GSK3B: variants seen among roughly 807,000 people sequenced by gnomAD.
The protein encoded by GSK3B is glycogen synthase kinase-3 beta.
In GSK3B, 15 loss-of-function variants were observed where a neutral mutation model predicts 56.4. The ratio of observed to expected loss-of-function variants is 0.27; its 90% CI spans 0.18 to 0.41. The LOEUF (loss-of-function observed/expected upper bound fraction) is 0.41, where lower values mean the gene tolerates loss of function less well. GSK3B is among the 10% of genes least tolerant of loss of function. The pLI, the probability that GSK3B is intolerant of heterozygous loss-of-function variation, is 1.00. For synonymous variants in GSK3B, 181 were observed against 188.9 expected (o/e 0.96, Z 0.34); for missense variants, 300 against 513.4 (o/e 0.58, Z 4.02).
chr3:119,849,343 A>G (rs183786074), intron 9 of GSK3B, among the ~76,000 whole-genome samples: 1 of 152,342 alleles, frequency 6.6e-6, no homozygotes, highest in Non-Finnish European at 1.5e-5. Flanking sequence ...CTGAAAAAAC[A>G]ATCTGGCAAG....
chr3:119,932,603 T>C (rs933957857), intron 3 of GSK3B, among the ~76,000 whole-genome samples: 1 of 143,920 alleles, frequency 6.9e-6, no homozygotes, highest in Non-Finnish European at 1.5e-5. Flanking sequence ...TGGAGAAAAA[T>C]AATGCCAATT....
chr3:120,090,297 G>A (rs371472707), intron 1 of GSK3B, among the ~76,000 whole-genome samples: 4 of 151,732 alleles, frequency 2.6e-5, no homozygotes, highest in East Asian at 1.9e-4. Context: ...TACTGCTCCC[G>A]AATATAAATC....
At chr3:120,080,805 G>T (rs2058412649) in intron 1 of GSK3B, among the ~76,000 whole-genome samples, 1 of 151,564 alleles carries the variant, frequency 6.6e-6, no homozygotes, top group South Asian at 2.1e-4. Flanking sequence ...ACTCCATCCT[G>T]GGCAATACAG....
chr3:120,063,448 C>A (rs537143511), intron 1 of GSK3B, among the ~76,000 whole-genome samples: 9 of 152,118 alleles, frequency 5.9e-5, no homozygotes, highest in Non-Finnish European at 1.2e-4. Flanking sequence ...CAGTGCTGGC[C>A]GGGTGCAGTG....
At chr3:119,955,807 C>A (rs534862232) in intron 2 of GSK3B, among the ~76,000 whole-genome samples, 1 of 152,192 alleles carries the variant, frequency 6.6e-6, no homozygotes, top group South Asian at 2.1e-4. Context: ...GCGCCTGCCA[C>A]CACGCCTGCC....
At chr3:120,006,091 G>C (rs1041617070) in intron 1 of GSK3B, among the ~76,000 whole-genome samples, 1 of 151,854 alleles carries the variant, frequency 6.6e-6, no homozygotes, top group Non-Finnish European at 1.5e-5. Context: ...GATCTACCAA[G>C]CAAATGGAAA....
chr3:119,983,547 G>T (rs1412037308), intron 2 of GSK3B, among the ~76,000 whole-genome samples: 3 of 151,398 alleles, frequency 2.0e-5, no homozygotes, highest in Non-Finnish European at 2.9e-5. Context: ...AAAAAAAGCA[G>T]GGGTTGCAAT....
At chr3:119,896,569 T>C (rs891826614) in intron 7 of GSK3B, among the ~76,000 whole-genome samples, 1 of 152,172 alleles carries the variant, frequency 6.6e-6, no homozygotes, top group Non-Finnish European at 1.5e-5. Flanking sequence ...CAATAAAATA[T>C]TGCTTTATAA....
At chr3:119,849,164 T>G (rs776246785) in intron 9 of GSK3B, among the ~76,000 whole-genome samples, 1 of 152,202 alleles carries the variant, frequency 6.6e-6, no homozygotes, top group African/African-American at 2.4e-5. Flanking sequence ...GATTTACCAT[T>G]CTCAATTAAA....
intron 10 of GSK3B, among the ~76,000 whole-genome samples, chr3:119,829,346 G>C (rs1236001625): frequency 6.6e-6 from 1 of 152,090 alleles, no homozygotes. Flanking sequence ...CAGAACCTAT[G>C]CATGACCATC....
At chr3:120,068,719 AAATAAT>A (rs542533714) in intron 1 of GSK3B, among the ~76,000 whole-genome samples, 101 of 151,550 alleles carry the variant, frequency 6.7e-4, no homozygotes, top group Non-Finnish European at 1.3e-3. Flanking sequence ...ATAAATAAAT[AAATAAT>A]AATAATAATA....
At chr3:119,976,037 G>A (rs1419845103) in intron 2 of GSK3B, among the ~76,000 whole-genome samples, 1 of 152,136 alleles carries the variant, frequency 6.6e-6, no homozygotes, top group Non-Finnish European at 1.5e-5. Flanking sequence ...CACCCACGAG[G>A]ATGGGTATAA....
At chr3:120,067,993 G>A (rs1344226122) in intron 1 of GSK3B, among the ~76,000 whole-genome samples, 1 of 152,124 alleles carries the variant, frequency 6.6e-6, no homozygotes, top group African/African-American at 2.4e-5. Flanking sequence ...TTTTTAAAAG[G>A]CGGAATCATG....
At chr3:119,924,889 T>C (rs1434688171) in intron 3 of GSK3B, among the ~76,000 whole-genome samples, 2 of 152,114 alleles carry the variant, frequency 1.3e-5, no homozygotes, top group African/African-American at 2.4e-5. Flanking sequence ...AAGCCAAAAA[T>C]ATCTAAGAAA....
chr3:119,914,820 A>C (rs1278704113), intron 5 of GSK3B, among the ~76,000 whole-genome samples: 1 of 152,134 alleles, frequency 6.6e-6, no homozygotes, highest in Non-Finnish European at 1.5e-5. Flanking sequence ...CCTATGTTAA[A>C]CCCCAAATTT....
chr3:119,958,381 A>AGGGG (rs1444170844), intron 2 of GSK3B, among the ~76,000 whole-genome samples: 1 of 1,880 alleles, frequency 5.3e-4, no homozygotes, highest in African/African-American at 1.9e-3. Flanking sequence ...TTATCGAAAA[A>AGGGG]GGGGTGGGTG....
chr3:119,854,088 G>A (rs1398290724), intron 9 of GSK3B, among the ~76,000 whole-genome samples: 5 of 152,112 alleles, frequency 3.3e-5, no homozygotes, highest in Admixed American at 6.6e-5. Context: ...TTTCAGATAC[G>A]TCCCATCAAT....
intron 6 of GSK3B, among the ~76,000 whole-genome samples, chr3:119,910,400 A>G (rs2056723768): frequency 1.3e-5 from 2 of 152,216 alleles, no homozygotes; most frequent in African/African-American, 4.8e-5. Context: ...TTCACTCTAT[A>G]CTGTAGTCTA....
At chr3:120,005,091 T>A (rs1311406541) in intron 1 of GSK3B, among the ~76,000 whole-genome samples, 1 of 152,012 alleles carries the variant, frequency 6.6e-6, no homozygotes, top group Non-Finnish European at 1.5e-5. Flanking sequence ...AATGACCTGA[T>A]GAAGCTGAAA....
Sources: allele counts gnomAD v4.1 joint callset (sites outside exome capture counted in the v4.1 genomes callset), GRCh38; gene constraint gnomAD v4.1.1; transcripts MANE v1.5; gene names NCBI Gene and HGNC (gene_info 2026-07-23, HGNC 2026-07-21).